Variants in EGFLAM observed in about 807,000 individuals in gnomAD.
EGFLAM encodes the protein EGF like, fibronectin type III and laminin G domains, also known as pikachurin.
In EGFLAM, 79 loss-of-function variants were observed where a neutral mutation model predicts 113.1. That is an observed-to-expected ratio of 0.70 (90% CI 0.58 to 0.84). The LOEUF is 0.84. Ranked by LOEUF, EGFLAM falls within the 40% of genes least tolerant of loss-of-function variation. The pLI, the probability that EGFLAM is intolerant of heterozygous loss-of-function variation, is 0.00. For missense variants in EGFLAM, 1,265 were observed against 1,291.6 expected (o/e 0.98, Z 0.32); for synonymous variants, 504 against 487.6 (o/e 1.03, Z -0.44).
intron 6 of EGFLAM, among the ~76,000 whole-genome samples, chr5:38,392,617 A>G (rs2956590): frequency 0.2 from 28,727 of 143,954 alleles, 6,717 homozygotes; most frequent in African/African-American, 0.58. Flanking sequence ...ACCAGAATCT[A>G]TTCTTTTTTT....
chr5:38,381,082 C>T (rs571910606), intron 6 of EGFLAM, among the ~76,000 whole-genome samples: 12 of 152,140 alleles, frequency 7.9e-5, no homozygotes, highest in Non-Finnish European at 1.5e-4. Context: ...GAGGTGATAT[C>T]CACATACATA....
intron 3 of EGFLAM, among the ~76,000 whole-genome samples, chr5:38,346,150 T>A (rs750113338): frequency 2.6e-5 from 4 of 152,166 alleles, no homozygotes; most frequent in Non-Finnish European, 5.9e-5. Flanking sequence ...ATCTTCCATA[T>A]CCAGTAAAGA....
chr5:38,452,408 T>C (rs1003031282), intron 19 of EGFLAM, among the ~76,000 whole-genome samples: 1 of 152,214 alleles, frequency 6.6e-6, no homozygotes, highest in African/African-American at 2.4e-5. Context: ...CAATAGGAAC[T>C]GCATGGCAGA....
Position 38,463,871 on chromosome 5 carries a change from A to G in EGFLAM, c.2915A>G (p.Tyr972Cys). 1.2e-6 allele frequency: 2 copies of G among 1,614,202 alleles called. No individual in the cohort carries two copies. The highest frequency in any genetic ancestry group is 1.7e-6 in the Non-Finnish European group (2 of 1,180,040). The change falls in exon 22 of 22, where the codon TAT becomes TGT. Residue 972 changes from tyrosine to cysteine, a missense_variant. Transcript: ENST00000322350. ...KEIALHTNRQ[Y>C]MRGLVGCISH... ...ATTGCTCTGCACACTAACAGGCAAT[A>G]TATGAGAGGGCTCGTGGGCTGTATC...
chr5:38,333,749 T>C (rs1739110847), intron 1 of EGFLAM, among the ~76,000 whole-genome samples: 2 of 152,088 alleles, frequency 1.3e-5, no homozygotes, highest in Non-Finnish European at 1.5e-5. Context: ...ACTCTGTAGG[T>C]TGTCTGTTTA....
intron 12 of EGFLAM, among the ~76,000 whole-genome samples, chr5:38,423,413 T>A (rs951501219): frequency 6.6e-6 from 1 of 152,178 alleles, no homozygotes; most frequent in African/African-American, 2.4e-5. Context: ...AGCAACTCCA[T>A]CTGGCTTTCA....
At chr5:38,301,218 T>G (rs1420989403) in intron 1 of EGFLAM, among the ~76,000 whole-genome samples, 1 of 151,966 alleles carries the variant, frequency 6.6e-6, no homozygotes, top group South Asian at 2.1e-4. Context: ...CCACAAGAGA[T>G]TCTCAGGGGG....
chr5:38,342,978 C>A (rs1480436249), intron 3 of EGFLAM, among the ~76,000 whole-genome samples: 6 of 152,126 alleles, frequency 3.9e-5, no homozygotes, highest in African/African-American at 9.7e-5. Context: ...GCTTTAGAGT[C>A]CACTGGTTGA....
intron 1 of EGFLAM, among the ~76,000 whole-genome samples, chr5:38,317,945 A>G (rs1207378559): frequency 6.6e-6 from 1 of 152,210 alleles, no homozygotes; most frequent in South Asian, 2.1e-4. Context: ...GCAGGAGGAA[A>G]CCGGAGAGAA....
At chr5:38,421,216 T>G (rs1741810233) in intron 12 of EGFLAM, among the ~76,000 whole-genome samples, 1 of 152,244 alleles carries the variant, frequency 6.6e-6, no homozygotes, top group Non-Finnish European at 1.5e-5. Context: ...TTCCTTCCAC[T>G]TCATATCCTG....
intron 1 of EGFLAM, among the ~76,000 whole-genome samples, chr5:38,324,393 C>A (rs1723745684): frequency 1.3e-5 from 2 of 152,180 alleles, no homozygotes; most frequent in African/African-American, 4.8e-5. Flanking sequence ...TCCACACATA[C>A]CCCAATAATA....
chr5:38,275,804 A>G (rs920418626), intron 1 of EGFLAM, among the ~76,000 whole-genome samples: 6 of 152,184 alleles, frequency 3.9e-5, no homozygotes, highest in Admixed American at 2.0e-4. Flanking sequence ...TTCAGGATAC[A>G]TTATATATTA....
chr5:38,367,058 C>T (rs1290293772), intron 5 of EGFLAM, among the ~76,000 whole-genome samples: 2 of 152,188 alleles, frequency 1.3e-5, no homozygotes, highest in African/African-American at 2.4e-5. Context: ...CCACTGATCT[C>T]CTGAGGTATA....
chr5:38,430,611 TCAGGGTTCTC>T (rs1262790224), intron 14 of EGFLAM, among the ~76,000 whole-genome samples: 1 of 152,172 alleles, frequency 6.6e-6, no homozygotes, highest in East Asian at 1.9e-4. Context: ...TCTATGTTCA[TCAGGGTTCTC>T]CAGGGAAACA....
rs77935506 is a variant in EGFLAM at position 38,401,603 on chromosome 5, T to A, written c.713-4523T>A. ...GATTGGGAGGCAGAGTCCCACCATGTTGAGCAAGGGCAGGACATAGTTCAG... is the reference window on the plus strand; with the variant it reads ...GATTGGGAGGCAGAGTCCCACCATGATGAGCAAGGGCAGGACATAGTTCAG... On this transcript the variant is annotated intron_variant, in intron 6 of 21. Coordinates refer to ENST00000322350, the MANE Select transcript of EGFLAM (RefSeq NM_152403.4). Among the ~76,000 whole-genome samples the A allele has an allele frequency of 8.0e-4, 122 of 152,274 alleles. 1 individual carries two copies. The East Asian group carries it at 0.022, about 28-fold the overall frequency.
At chr5:38,438,491 G>A (rs1742432014) in intron 17 of EGFLAM, 36 bp downstream of exon 17, 1 of 1,513,758 alleles carries the variant, frequency 6.6e-7, no homozygotes. Context: ...CTCCCTGGAG[G>A]GAGTGGAAGG....
At chr5:38,388,937 A>AC (rs1256850079) in intron 6 of EGFLAM, among the ~76,000 whole-genome samples, 1 of 151,374 alleles carries the variant, frequency 6.6e-6, no homozygotes, top group Admixed American at 6.6e-5. Context: ...AAAAAACAAA[A>AC]AAAAATGCAA....
In EGFLAM at chr5:38,425,092, G is replaced by C. The variant is rs1397675279; in HGVS notation, c.1810G>C (p.Ala604Pro). 2.5e-6 allele frequency: 4 copies of C among 1,612,686 alleles called. No individual in the cohort carries two copies. The highest frequency in any genetic ancestry group is 3.4e-6 in the Non-Finnish European group (4 of 1,179,262). Residue 604 changes from alanine (A) to proline (P), a missense_variant and splice_region_variant, in exon 13 of 22, where the codon GCT becomes CCT. Transcript: ENST00000322350. The stretch of plus-strand genomic sequence containing the variant: ...GTTTAAAGGTCGACACTGTGAAGAT[G>C]GTGAGAAAGAAGCAAGTTGAAGGCG... ...LGFKGRHCED[A>P]FTLTIPQFRE...
intron 1 of EGFLAM, among the ~76,000 whole-genome samples, chr5:38,275,030 T>C (rs577155283): frequency 6.6e-6 from 1 of 152,300 alleles, no homozygotes; most frequent in East Asian, 1.9e-4. Context: ...AATAATCTGT[T>C]ATAACTATAA....
Sources: allele counts gnomAD v4.1 joint callset (sites outside exome capture counted in the v4.1 genomes callset), GRCh38; gene constraint gnomAD v4.1.1; transcripts MANE v1.5; gene names NCBI Gene and HGNC (gene_info 2026-07-23, HGNC 2026-07-21).